The following STK33 variants were observed in gnomAD, a reference collection of about 807,000 sequenced individuals.
STK33 encodes serine/threonine kinase 33, also known as serine/threonine-protein kinase 33.
A neutral mutation model predicts 58.0 loss-of-function variants in STK33; 52 were observed. The ratio of observed to expected loss-of-function variants is 0.90; its 90% confidence interval spans 0.72 to 1.13. STK33 has a LOEUF of 1.13. Ranked by LOEUF, STK33 falls within the 50% of genes most tolerant of loss-of-function variation. The pLI, the probability that STK33 is intolerant of heterozygous loss-of-function variation, is 0.00. For missense variants in STK33, 630 were observed against 604.2 expected, an observed-to-expected ratio of 1.04 and a Z score of -0.45; for synonymous variants, 215 against 200.1, an observed-to-expected ratio of 1.07 and a Z score of -0.63.
chr11:8,556,771 C>T (rs75971722), intron 1 of STK33, among the ~76,000 whole-genome samples: 1 of 152,224 alleles, frequency 6.6e-6, no homozygotes, highest in African/African-American at 2.4e-5. Flanking sequence ...TGTATTTTTG[C>T]TCATCATTAT....
chr11:8,503,163 G>A (rs1468112831), intron 1 of STK33, among the ~76,000 whole-genome samples: 1 of 152,116 alleles, frequency 6.6e-6, no homozygotes, highest in Non-Finnish European at 1.5e-5. Context: ...ACACATGTAT[G>A]CATATGTTCA....
intron 14 of STK33, among the ~76,000 whole-genome samples, chr11:8,420,326 C>A (rs533825550): frequency 6.6e-6 from 1 of 152,040 alleles, no homozygotes; most frequent in African/African-American, 2.4e-5. Context: ...AACAAAATCA[C>A]CTCAGTGATT....
the STK33 span, among the ~76,000 whole-genome samples, chr11:8,347,794 C>T: frequency 2.8e-4 from 43 of 152,330 alleles, 1 homozygote; most frequent in South Asian, 8.9e-3. Context: ...CTATCTGAAT[C>T]CACCCTCACT....
chr11:8,388,217 T>C (rs1848570789), downstream of STK33, among the ~76,000 whole-genome samples: 1 of 152,144 alleles, frequency 6.6e-6, no homozygotes, highest in African/African-American at 2.4e-5. Flanking sequence ...AAAAGTCCTA[T>C]TAATCTTCCC....
At chr11:8,583,738 T>C (rs2030894401) in intron 1 of STK33, among the ~76,000 whole-genome samples, 1 of 152,166 alleles carries the variant, frequency 6.6e-6, no homozygotes, top group Non-Finnish European at 1.5e-5. Context: ...ACTTTTAATC[T>C]CATCTAAAGA....
chr11:8,589,983 T>C (rs1187936521), intron 1 of STK33, among the ~76,000 whole-genome samples: 1 of 152,186 alleles, frequency 6.6e-6, no homozygotes, highest in Admixed American at 6.5e-5. Context: ...GATGTTAGAT[T>C]TGCTAGCAGC....
intron 14 of STK33, among the ~76,000 whole-genome samples, chr11:8,415,644 A>G (rs1941011862): frequency 1.3e-5 from 2 of 152,166 alleles, no homozygotes; most frequent in Admixed American, 6.6e-5. Flanking sequence ...TCACCCAAGC[A>G]TAATCTAGCT....
At chr11:8,533,338 T>C (rs1237626622) in intron 1 of STK33, 1 of 152,242 alleles carries the variant, frequency 6.6e-6, no homozygotes, top group Non-Finnish European at 1.5e-5. Context: ...TATGTGTACA[T>C]GTTTGTTACC....
intron 1 of STK33, among the ~76,000 whole-genome samples, chr11:8,573,276 AATACATGAATAGACTTTTCACAGAAGAAG>A (rs1471980805): frequency 6.6e-6 from 1 of 152,232 alleles, no homozygotes; most frequent in African/African-American, 2.4e-5. Flanking sequence ...AGATGGGCAA[AATACATGAATAGACTTTTCACAGAAGAAG>A]ATACACAATG....
At chr11:8,407,976 AT>A (rs1442012796) in intron 15 of STK33, among the ~76,000 whole-genome samples, 1 of 152,232 alleles carries the variant, frequency 6.6e-6, no homozygotes, top group African/African-American at 2.4e-5. Context: ...AGTGAAGAAC[AT>A]TTCAAATTTC....
At chr11:8,336,904 C>G in the STK33 span, among the ~76,000 whole-genome samples, 1 of 152,228 alleles carries the variant, frequency 6.6e-6, no homozygotes, top group Non-Finnish European at 1.5e-5. Flanking sequence ...GCCCCGAGGC[C>G]GGTAATGAGG....
At chr11:8,469,236 C>T (rs1948538621) in intron 6 of STK33, among the ~76,000 whole-genome samples, 1 of 152,198 alleles carries the variant, frequency 6.6e-6, no homozygotes, top group African/African-American at 2.4e-5. Context: ...CCTCTCAAAC[C>T]CTGCCACTGC....
chr11:8,449,252 A>T (rs1945941376), intron 11 of STK33, among the ~76,000 whole-genome samples: 2 of 151,614 alleles, frequency 1.3e-5, no homozygotes, highest in Non-Finnish European at 2.9e-5. Context: ...AGAACTAGAA[A>T]TACCATTTGA....
intron 14 of STK33, among the ~76,000 whole-genome samples, chr11:8,434,885 CCTT>C (rs1447316933): frequency 6.6e-6 from 1 of 152,124 alleles, no homozygotes; most frequent in African/African-American, 2.4e-5. Context: ...CAGTCAGAAT[CCTT>C]ATTATTATAG....
chr11:8,575,251 T>C (rs1279280615), intron 1 of STK33, among the ~76,000 whole-genome samples: 1 of 152,152 alleles, frequency 6.6e-6, no homozygotes, highest in Non-Finnish European at 1.5e-5. Context: ...CTCCTAGGTA[T>C]ACATGCAAAG....
At chr11:8,513,700 G>T (rs2139546351) in intron 1 of STK33, among the ~76,000 whole-genome samples, 1 of 152,008 alleles carries the variant, frequency 6.6e-6, no homozygotes, top group East Asian at 1.9e-4. Flanking sequence ...GTATATAGTA[G>T]GTGTATATAT....
chr11:8,446,362 GTGTCCC>G (rs1945464996), intron 11 of STK33, among the ~76,000 whole-genome samples: 1 of 151,878 alleles, frequency 6.6e-6, no homozygotes, highest in Admixed American at 6.6e-5. Context: ...AGGGTTTTTC[GTGTCCC>G]TATCTCCTTG....
At chr11:8,399,704 A>C (rs544065566) in intron 15 of STK33, among the ~76,000 whole-genome samples, 13 of 152,314 alleles carry the variant, frequency 8.5e-5, no homozygotes, top group African/African-American at 2.9e-4. Context: ...AAGATCAACA[A>C]AATTGATAGA....
chr11:8,388,823 C>T (rs1202265407), downstream of STK33, among the ~76,000 whole-genome samples: 1 of 152,208 alleles, frequency 6.6e-6, no homozygotes, highest in Admixed American at 6.5e-5. Flanking sequence ...GGTTCGGTAT[C>T]GGGCAACGCT....
Sources: allele counts gnomAD v4.1 joint callset (sites outside exome capture counted in the v4.1 genomes callset), GRCh38; gene constraint gnomAD v4.1.1; transcripts MANE v1.5; gene names NCBI Gene and HGNC (gene_info 2026-07-23, HGNC 2026-07-21).